PDK1: variants seen among roughly 807,000 people sequenced by gnomAD.
PDK1 encodes [Pyruvate dehydrogenase (acetyl-transferring)] kinase isozyme 1, mitochondrial.
A neutral mutation model predicts 54.2 loss-of-function variants in PDK1; 39 were observed. The ratio of observed to expected loss-of-function variants is 0.72; its 90% CI spans 0.56 to 0.94. The LOEUF (loss-of-function observed/expected upper bound fraction) is 0.94, where lower values mean the gene tolerates loss of function less well. PDK1 is among the 40% of genes least tolerant of loss of function. The pLI, the probability that PDK1 is intolerant of heterozygous loss-of-function variation, is 0.00. For synonymous variants in PDK1, 221 were observed against 207.1 expected (o/e 1.07, Z -0.58); for missense variants, 552 against 566.0 (o/e 0.98, Z 0.25).
At chr2:172,582,206 G>A (rs140512357) in intron 8 of PDK1, among the ~76,000 whole-genome samples, 270 of 152,266 alleles carry the variant, frequency 1.8e-3, no homozygotes, top group African/African-American at 6.3e-3. Flanking sequence ...GAGCCACAGC[G>A]CCTGGCCTAC....
At chr2:172,621,713 CATGTT>C in the PDK1 span, among the ~76,000 whole-genome samples, 4 of 132,662 alleles carry the variant, frequency 3.0e-5, no homozygotes, top group Non-Finnish European at 6.2e-5. Flanking sequence ...ATATATCAAA[CATGTT>C]ATATGTTTAT....
rs150410446 is a variant in PDK1 at position 172,600,712 on chromosome 2, A to C, written c.*4743A>C. ...TGAGGAGGGGGCTCATGAGGAGGGG[A>C]TATCTTATCCTCCTAGGGTCCGAGG... On this transcript the variant is annotated 3_prime_UTR_variant, in exon 11 of 11. Transcript: ENST00000282077. 0.016 allele frequency: 2,375 copies of C among 152,282 alleles called. 25 individuals carry two copies. Among genetic ancestry groups the C allele is most frequent in the South Asian group, 0.049 (234 of 4,804 alleles). The allele number at this position is 152,282 out of a possible 1,614,324, so 9.4% of individuals were successfully genotyped here.
At chr2:172,579,525 C>CTTTTTTTTTTTTTTT (rs10660737) in intron 8 of PDK1, among the ~76,000 whole-genome samples, 1 of 122,560 alleles carries the variant, frequency 8.2e-6, no homozygotes, top group Non-Finnish European at 1.7e-5. Context: ...CCCGCTCTTT[C>CTTTTTTTTTTTTTTT]TTTTTTTTTT....
chr2:172,638,700 G>T, the PDK1 span, among the ~76,000 whole-genome samples: 1 of 144,966 alleles, frequency 6.9e-6, no homozygotes, highest in Non-Finnish European at 1.6e-5. Flanking sequence ...TCTAGCTAAA[G>T]GTTTGTAAAC....
chr2:172,707,214 A>G, the PDK1 span, among the ~76,000 whole-genome samples: 3 of 152,078 alleles, frequency 2.0e-5, no homozygotes, highest in Non-Finnish European at 4.4e-5. Context: ...GGACTTCCTT[A>G]TCACCTGTCA....
At chr2:172,623,452 C>T in the PDK1 span, among the ~76,000 whole-genome samples, 1 of 152,122 alleles carries the variant, frequency 6.6e-6, no homozygotes, top group African/African-American at 2.4e-5. Context: ...TACAGAAAAA[C>T]CAGTGATTCA....
In PDK1 at chr2:172,603,529, A is replaced by G. The variant is rs1463376453; in HGVS notation, c.*7560A>G. The G allele has an allele frequency of 6.6e-6, 1 of 152,224 alleles. No homozygotes were observed. Among genetic ancestry groups the G allele is most frequent in the Non-Finnish European group, 1.5e-5 (1 of 68,040 alleles). 9.4% of individuals were successfully genotyped at this position (152,224 alleles called of 1,614,324 possible). ...AGACGACAGCAAACTTGAGTGGTTA[A>G]TGAGAGCTTCACTAATGTTGTCTGC... On this transcript the variant is annotated 3_prime_UTR_variant, in exon 11 of 11. Transcript: ENST00000282077.
rs1691341329 is a variant in PDK1, at chr2:172,607,683, A to AC, written c.*11717dup. 6.6e-6 allele frequency: 1 copy of AC among 152,222 alleles called. No homozygotes were observed. Among genetic ancestry groups the AC allele is most frequent in the African/African-American group, 2.4e-5 (1 of 41,438 alleles). 9.4% of individuals were successfully genotyped at this position (152,222 alleles called of 1,614,324 possible). A position where few individuals can be genotyped will look rare whatever the true frequency, so the allele number is the denominator to read the frequency against. Reference sequence around the variant, plus strand: ...TTGGCCAAACTCAGAGTGGAGGCTGACCCTGTATCTGGTTGTAGCAGAGTC... The same window carrying AC: ...TTGGCCAAACTCAGAGTGGAGGCTGACCCCTGTATCTGGTTGTAGCAGAGTC... On this transcript the variant is annotated 3_prime_UTR_variant, in exon 11 of 11. Transcript: ENST00000282077.
At chr2:172,709,403 A>G in the PDK1 span, among the ~76,000 whole-genome samples, 1 of 152,272 alleles carries the variant, frequency 6.6e-6, no homozygotes. Flanking sequence ...CTACCAAATG[A>G]CCCATCAATA....
At chr2:172,631,178 T>C in the PDK1 span, among the ~76,000 whole-genome samples, 1 of 152,240 alleles carries the variant, frequency 6.6e-6, no homozygotes, top group African/African-American at 2.4e-5. Flanking sequence ...GCCACCTCTA[T>C]CAAATAACAA....
At chr2:172,630,207 T>C in the PDK1 span, among the ~76,000 whole-genome samples, 1 of 152,226 alleles carries the variant, frequency 6.6e-6, no homozygotes, top group Non-Finnish European at 1.5e-5. Context: ...TTTTGGATCT[T>C]TTCCTAAAAA....
At chr2:172,585,096 A>C (rs1690144014) in intron 8 of PDK1, among the ~76,000 whole-genome samples, 1 of 152,024 alleles carries the variant, frequency 6.6e-6, no homozygotes, top group East Asian at 1.9e-4. Flanking sequence ...TCCTGGGCTC[A>C]AGTGATACTC....
Position 172,558,868 on chromosome 2 carries a change from G to A in PDK1, c.338+19G>A. ...AAAGCTGGTAAGATTCTCATCTTGT[G>A]TTTGCAATTTGATGGAGTTGTGGAC... On this transcript the variant is annotated intron_variant, in intron 2 of 10. Coordinates refer to ENST00000282077, the MANE Select transcript of PDK1 (RefSeq NM_002610.5). 6.2e-7 allele frequency: 1 copy of A among 1,602,340 alleles called. No individual in the cohort carries two copies. The highest frequency in any genetic ancestry group is 8.5e-7 in the Non-Finnish European group (1 of 1,175,732).
the PDK1 span, among the ~76,000 whole-genome samples, chr2:172,641,343 G>T: frequency 1.3e-5 from 2 of 151,848 alleles, no homozygotes; most frequent in South Asian, 2.1e-4. Flanking sequence ...TGTTGCCCAG[G>T]CTTAATCCCA....
intron 10 of PDK1, among the ~76,000 whole-genome samples, chr2:172,594,721 C>T (rs1294183726): frequency 6.6e-6 from 1 of 152,144 alleles, no homozygotes; most frequent in African/African-American, 2.4e-5. Context: ...AAGACTTTAG[C>T]ATTATCAGAA....
At chr2:172,709,519 T>C in the PDK1 span, among the ~76,000 whole-genome samples, 29 of 152,226 alleles carry the variant, frequency 1.9e-4, no homozygotes, top group Non-Finnish European at 4.1e-4. Flanking sequence ...TCTTGCTTAA[T>C]TTCAGCAAAC....
At chr2:172,708,215 G>C in the PDK1 span, among the ~76,000 whole-genome samples, 170 of 152,182 alleles carry the variant, frequency 1.1e-3, 1 homozygote, top group African/African-American at 3.9e-3. Flanking sequence ...CCTGAGCCTG[G>C]GTGGTAGAGG....
At chr2:172,697,350 T>C in the PDK1 span, among the ~76,000 whole-genome samples, 1 of 152,204 alleles carries the variant, frequency 6.6e-6, no homozygotes, top group Non-Finnish European at 1.5e-5. Flanking sequence ...TTAAATTTGC[T>C]GGTAAAGTAT....
chr2:172,630,451 C>T, the PDK1 span, among the ~76,000 whole-genome samples: 1 of 152,132 alleles, frequency 6.6e-6, no homozygotes. Flanking sequence ...CTTGGTAACC[C>T]AGTGTGGATA....
Sources: allele counts gnomAD v4.1 joint callset (sites outside exome capture counted in the v4.1 genomes callset), GRCh38; gene constraint gnomAD v4.1.1; transcripts MANE v1.5; gene names NCBI Gene and HGNC (gene_info 2026-07-23, HGNC 2026-07-21).